STX7: variants seen among roughly 807,000 people sequenced by gnomAD.
STX7 encodes the protein syntaxin 7, also known as syntaxin-7.
A neutral mutation model predicts 39.6 loss-of-function variants in STX7; 34 were observed. The ratio of observed to expected loss-of-function variants is 0.86; its 90% CI spans 0.65 to 1.14. The LOEUF is 1.14. Among genes scored for constraint, STX7 ranks in the 50% most tolerant of loss-of-function variants. The probability of loss-of-function intolerance (pLI) is 0.00; values close to 1 mark genes in which losing one functional copy is unlikely to be tolerated. For missense variants in STX7, 284 were observed against 310.4 expected (o/e 0.92, Z 0.64); for synonymous variants, 119 against 99.1 (o/e 1.20, Z -1.19).
chr6:132,449,704 C>G lies in STX7; in HGVS notation c.*11054G>C, dbSNP rs1420015284. 1 of 152,140 alleles carries G rather than the reference C, an allele frequency of 6.6e-6. No individual in the cohort carries two copies. The highest frequency in any genetic ancestry group is 1.5e-5 in the Non-Finnish European group (1 of 68,024). 9.4% of individuals were successfully genotyped at this position (152,140 alleles called of 1,614,324 possible). ...TATATTTCAATAATTAAATTTCATACCTAAGTTGTCTTTGGTTCTTTTTAA... is the reference window on the plus strand; with the variant it reads ...TATATTTCAATAATTAAATTTCATAGCTAAGTTGTCTTTGGTTCTTTTTAA... On this transcript the variant is annotated 3_prime_UTR_variant, in exon 10 of 10. Transcript: ENST00000367941.
intron 2 of STX7, among the ~76,000 whole-genome samples, chr6:132,480,079 C>G (rs1262185605): frequency 6.6e-6 from 1 of 152,140 alleles, no homozygotes; most frequent in Non-Finnish European, 1.5e-5. Flanking sequence ...CCCGTCCCCA[C>G]TCCCCCGACC....
At chr6:132,512,563 C>T (rs538905544) in intron 1 of STX7, among the ~76,000 whole-genome samples, 88 of 152,316 alleles carry the variant, frequency 5.8e-4, no homozygotes, top group Middle Eastern at 3.4e-3. Context: ...TTTTCAGTTC[C>T]TCTATATTCG....
intron 2 of STX7, among the ~76,000 whole-genome samples, chr6:132,479,390 A>C (rs1200445715): frequency 6.6e-6 from 1 of 152,220 alleles, no homozygotes; most frequent in Non-Finnish European, 1.5e-5. Context: ...AAATCCCAAT[A>C]GGAAAAACAC....
chr6:132,509,452 A>AATAACATAACATAAC (rs199798662), intron 1 of STX7, among the ~76,000 whole-genome samples: 4 of 9,950 alleles, frequency 4.0e-4, no homozygotes, highest in Non-Finnish European at 4.8e-4. Context: ...CTCGTCTCAA[A>AATAACATAACATAAC]ATAACATAAC....
intron 2 of STX7, among the ~76,000 whole-genome samples, chr6:132,495,652 A>G (rs1483389978): frequency 6.6e-6 from 1 of 152,182 alleles, no homozygotes; most frequent in Non-Finnish European, 1.5e-5. Context: ...GGCACCAAAA[A>G]AAAAAGTGAT....
chr6:132,468,476 C>T lies in STX7; in HGVS notation c.538-1G>A. ...TTTCATTAATATCCATAATATCAGC[C>T]TAAGAGAAAACGCATATATTATTAT... On this transcript the variant is annotated splice_acceptor_variant, in intron 7 of 9. Coordinates refer to ENST00000367941, the MANE Select transcript of STX7 (RefSeq NM_003569.3). LOFTEE classifies it high-confidence loss of function. 6.3e-7 allele frequency: 1 copy of T among 1,595,040 alleles called. No homozygotes were observed. Among genetic ancestry groups the T allele is most frequent in the Non-Finnish European group, 8.5e-7 (1 of 1,169,980 alleles).
chr6:132,471,342 G>A (rs972058110), intron 5 of STX7, 121 bp downstream of exon 5: 2 of 1,129,010 alleles, frequency 1.8e-6, no homozygotes, highest in Non-Finnish European at 2.4e-6. Flanking sequence ...AAATATTCAA[G>A]AGCTGATTTC....
chr6:132,466,034 T>C (rs1031300437), intron 8 of STX7, among the ~76,000 whole-genome samples: 3 of 152,230 alleles, frequency 2.0e-5, no homozygotes, highest in Non-Finnish European at 4.4e-5. Flanking sequence ...GCATTCTCTG[T>C]TTCACTTCCC....
At chr6:132,489,977 G>A (rs997402831) in intron 2 of STX7, among the ~76,000 whole-genome samples, 11 of 152,146 alleles carry the variant, frequency 7.2e-5, no homozygotes, top group African/African-American at 2.4e-4. Context: ...CAATAATTTG[G>A]ACTTCTAGAT....
intron 2 of STX7, among the ~76,000 whole-genome samples, chr6:132,481,222 T>C (rs1283986724): frequency 2.0e-5 from 3 of 152,174 alleles, no homozygotes; most frequent in Non-Finnish European, 4.4e-5. Flanking sequence ...GGATAAATTA[T>C]AGTGAAATTT....
At chr6:132,505,752 A>C (rs952668105) in intron 1 of STX7, among the ~76,000 whole-genome samples, 2 of 149,102 alleles carry the variant, frequency 1.3e-5, no homozygotes, top group Non-Finnish European at 3.0e-5. Flanking sequence ...AAAAAAAAAA[A>C]AAAAAAAAAA....
chr6:132,488,329 G>A (rs1403942989), intron 2 of STX7, among the ~76,000 whole-genome samples: 1 of 152,104 alleles, frequency 6.6e-6, no homozygotes, highest in African/African-American at 2.4e-5. Context: ...TAAATGTTCT[G>A]GGTGCACTTG....
At chr6:132,503,231 G>C (rs1480627171) in intron 2 of STX7, among the ~76,000 whole-genome samples, 1 of 152,164 alleles carries the variant, frequency 6.6e-6, no homozygotes, top group African/African-American at 2.4e-5. Context: ...AATGTATTAT[G>C]TGCCTGGCCC....
intron 2 of STX7, among the ~76,000 whole-genome samples, chr6:132,492,844 G>C (rs1224056189): frequency 1.3e-5 from 2 of 152,124 alleles, no homozygotes; most frequent in Non-Finnish European, 2.9e-5. Flanking sequence ...TCCAGAAAGA[G>C]ATTATTGAAC....
intron 8 of STX7, among the ~76,000 whole-genome samples, chr6:132,467,512 A>G (rs1232210209): frequency 6.6e-6 from 1 of 152,108 alleles, no homozygotes; most frequent in Non-Finnish European, 1.5e-5. Context: ...TCCTCCCATT[A>G]TAAGATCAAT....
intron 2 of STX7, among the ~76,000 whole-genome samples, chr6:132,490,771 G>C (rs1775260373): frequency 6.6e-6 from 1 of 152,112 alleles, no homozygotes; most frequent in Non-Finnish European, 1.5e-5. Flanking sequence ...GGGAAAAGGA[G>C]ACACGGAACA....
intron 4 of STX7, 113 bp from the exon 5 acceptor site, chr6:132,471,713 G>C (rs1774728189): frequency 1.7e-6 from 2 of 1,196,118 alleles, no homozygotes; most frequent in South Asian, 3.0e-5. Context: ...CCCAATTACA[G>C]GGCCTTACAG....
intron 2 of STX7, among the ~76,000 whole-genome samples, chr6:132,493,516 C>T (rs981656833): frequency 5.3e-5 from 8 of 152,084 alleles, no homozygotes; most frequent in African/African-American, 1.9e-4. Flanking sequence ...AGGGGAGCTC[C>T]CCTGCACAAG....
At chr6:132,475,953 C>A (rs937684961) in intron 2 of STX7, among the ~76,000 whole-genome samples, 1 of 151,996 alleles carries the variant, frequency 6.6e-6, no homozygotes, top group Non-Finnish European at 1.5e-5. Context: ...TAAGTAAATA[C>A]AAGGGCACAC....
Sources: gnomAD v4.1 joint callset for allele counts (sites outside exome capture counted in the v4.1 genomes callset) on GRCh38, gnomAD v4.1.1 for gene constraint, MANE v1.5 for transcripts, NCBI Gene and HGNC (gene_info 2026-07-23, HGNC 2026-07-21) for gene names.